BBS4: variants seen among roughly 807,000 people sequenced by gnomAD.
BBS4 encodes the protein Bardet-Biedl syndrome 4.
A neutral mutation model predicts 71.4 loss-of-function variants in BBS4; 58 were observed. That is an observed-to-expected ratio of 0.81 (90% CI 0.66 to 1.01). BBS4 has a LOEUF of 1.01. Among genes scored for constraint, BBS4 ranks in the 50% least tolerant of loss-of-function variants. The pLI is 0.00. For missense variants in BBS4, 660 were observed against 607.9 expected (o/e 1.09, Z -0.90); for synonymous variants, 228 against 216.8 (o/e 1.05, Z -0.46).
rs2151034404 is a variant in BBS4, at chr15:72,724,630, A to G, written c.562A>G (p.Ile188Val). Reference protein sequence around the residue: ...HLLEGDLDKAIEVYKKAVEFS... With the variant: ...HLLEGDLDKAVEVYKKAVEFS... ...GCTGGAGGGAGACTTGGACAAGGCCATTGAAGTCTACAAGAAAGCAGTGGA... is the reference window on the plus strand; with the variant it reads ...GCTGGAGGGAGACTTGGACAAGGCCGTTGAAGTCTACAAGAAAGCAGTGGA... The change falls in exon 8 of 16, where the codon ATT (isoleucine) becomes GTT (valine). Residue 188 changes from isoleucine (I) to valine (V), a missense_variant. By Grantham distance (29) the Ile-to-Val change is conservative. Coordinates refer to ENST00000268057, the MANE Select transcript of BBS4 (RefSeq NM_033028.5). 3.7e-6 allele frequency: 6 copies of G among 1,614,160 alleles called. No individual in the cohort carries two copies. The highest frequency in any genetic ancestry group is 5.1e-6 in the Non-Finnish European group (6 of 1,179,984).
At chr15:72,695,415 G>GT (rs2065059407) in intron 2 of BBS4, among the ~76,000 whole-genome samples, 187 bp downstream of exon 2, 1 of 151,982 alleles carries the variant, frequency 6.6e-6, no homozygotes, top group Admixed American at 6.6e-5. Context: ...AGCCTCCCGA[G>GT]TAGCTGGGAT....
chr15:72,702,098 G>A (rs538444690), intron 2 of BBS4, among the ~76,000 whole-genome samples: 5 of 151,532 alleles, frequency 3.3e-5, no homozygotes, highest in Non-Finnish European at 5.9e-5. Flanking sequence ...TGCCTGCCTC[G>A]GCCTCCCAAA....
intron 2 of BBS4, among the ~76,000 whole-genome samples, chr15:72,706,857 T>A: frequency 6.6e-6 from 1 of 152,222 alleles, no homozygotes; most frequent in East Asian, 1.9e-4. Flanking sequence ...AAATTAAATT[T>A]TTTGTTGAAA....
chr15:72,690,710 C>T (rs904439957), intron 1 of BBS4, among the ~76,000 whole-genome samples: 2 of 152,148 alleles, frequency 1.3e-5, no homozygotes, highest in Non-Finnish European at 2.9e-5. Flanking sequence ...TCCATCACTC[C>T]AGAAGGGTTC....
chr15:72,698,019 G>C (rs1161494186), intron 2 of BBS4: 1 of 455,920 alleles, frequency 2.2e-6, no homozygotes, highest in South Asian at 1.5e-5. Flanking sequence ...TTCAGTTGAA[G>C]ATCTTACCCA....
At chr15:72,694,264 C>T (rs1052368862) in intron 1 of BBS4, among the ~76,000 whole-genome samples, 1 of 150,662 alleles carries the variant, frequency 6.6e-6, no homozygotes, top group Non-Finnish European at 1.5e-5. Context: ...GATCTTGGCT[C>T]ATTGCAACCT....
chr15:72,729,186 T>TTTA (rs1555501306), intron 9 of BBS4, among the ~76,000 whole-genome samples: 6 of 61,646 alleles, frequency 9.7e-5, no homozygotes, highest in Admixed American at 2.2e-4. Context: ...TTTTTTTTTT[T>TTTA]AAAGTCAAGA....
chr15:72,723,924 T>A (rs2065620913), intron 7 of BBS4, among the ~76,000 whole-genome samples: 1 of 152,242 alleles, frequency 6.6e-6, no homozygotes, highest in South Asian at 2.1e-4. Context: ...GCTAACAGGC[T>A]AGGCAAATAC....
intron 5 of BBS4, 77 bp downstream of exon 5, chr15:72,715,479 G>GGAC: frequency 1.0e-6 from 1 of 990,824 alleles, no homozygotes. Context: ...CCAGCCTGCT[G>GGAC]CTGGCAGCTG....
chr15:72,731,425 ATG>A lies in BBS4; in HGVS notation c.836_837del (p.Cys279PhefsTer24). The A allele has an allele frequency of 6.2e-7, 1 of 1,614,166 alleles. No homozygotes were observed. The highest frequency in any genetic ancestry group is 8.5e-7 in the Non-Finnish European group (1 of 1,180,042). ...TCCTCCACTCTGGAATAACATTGGA[ATG>A]TGTTTCTTTGGCAAGAAGAAATATG... ...ESPPLWNNIG[M>X]CFFGKKKYVA... On this transcript the variant is annotated frameshift_variant, in exon 11 of 16. Coordinates refer to ENST00000268057, the MANE Select transcript of BBS4 (RefSeq NM_033028.5). LOFTEE classifies it high-confidence loss of function.
intron 5 of BBS4, among the ~76,000 whole-genome samples, chr15:72,715,840 A>T (rs532429228): frequency 3.7e-4 from 56 of 152,324 alleles, no homozygotes; most frequent in African/African-American, 1.3e-3. Context: ...ATGATGTAAA[A>T]TTGTTATGTA....
In BBS4 at chr15:72,729,002, G is replaced by A. The variant is rs182294953; in HGVS notation, c.643-614G>A. Among the ~76,000 whole-genome samples the A allele has an allele frequency of 1.5e-3, 231 of 152,220 alleles. 1 individual carries two copies. Among genetic ancestry groups the A allele is most frequent in the Admixed American group, 3.5e-3 (54 of 15,290 alleles). ...GATGAGGATACCCAGCTCATTTCCT[G>A]CAAAGAGGCATTAATGTGGAACAGT... On this transcript the variant is annotated intron_variant, in intron 9 of 15. Transcript: ENST00000268057.
chr15:72,705,827 C>T (rs751042298), intron 2 of BBS4, among the ~76,000 whole-genome samples: 3 of 151,808 alleles, frequency 2.0e-5, no homozygotes, highest in Non-Finnish European at 2.9e-5. Flanking sequence ...TCAAGTGATC[C>T]GTCCACCTGG....
chr15:72,697,651 C>T (rs1017081556), intron 2 of BBS4, among the ~76,000 whole-genome samples: 1 of 152,168 alleles, frequency 6.6e-6, no homozygotes, highest in South Asian at 2.1e-4. Context: ...AGAATTCACA[C>T]AGAAGTTGGA....
intron 2 of BBS4, among the ~76,000 whole-genome samples, chr15:72,699,164 G>A (rs913082923): frequency 1.3e-5 from 2 of 149,884 alleles, no homozygotes; most frequent in African/African-American, 4.9e-5. Flanking sequence ...TTTTTCCACT[G>A]CAACCTCTGC....
chr15:72,717,136 T>C (rs2065480709), intron 6 of BBS4: 1 of 415,168 alleles, frequency 2.4e-6, no homozygotes, highest in Non-Finnish European at 4.4e-6. Context: ...GTCATTGGAA[T>C]TCCACAGTAT....
At position 72,695,230 on chromosome 15, in the gene BBS4, T is replaced by C. The variant is rs766665064; in HGVS notation, c.76+2T>C. Reference sequence around the variant, plus strand: ...CTCAAAAACCCCGGCAGAAAAAAGGTCTGTATGCAGTTTCATGGTATGTGT... The same window carrying C: ...CTCAAAAACCCCGGCAGAAAAAAGGCCTGTATGCAGTTTCATGGTATGTGT... On this transcript the variant is annotated splice_donor_variant, in intron 2 of 15. Transcript: ENST00000268057. LOFTEE classifies it high-confidence loss of function. 1.9e-6 allele frequency: 3 copies of C among 1,584,604 alleles called. No individual in the cohort carries two copies. The Admixed American group carries it at 5.0e-5, about 26-fold the overall frequency.
At chr15:72,734,466 G>T (rs553595055) in intron 12 of BBS4, among the ~76,000 whole-genome samples, 1 of 152,282 alleles carries the variant, frequency 6.6e-6, no homozygotes, top group African/African-American at 2.4e-5. Flanking sequence ...AGATGAATCA[G>T]GAAAGATATT....
At chr15:72,732,429 G>A (rs1446563417) in intron 12 of BBS4, among the ~76,000 whole-genome samples, 1 of 152,128 alleles carries the variant, frequency 6.6e-6, no homozygotes, top group Non-Finnish European at 1.5e-5. Context: ...CCATTTTAAA[G>A]TACTGACTAG....
Sources: gnomAD v4.1 joint callset for allele counts (sites outside exome capture counted in the v4.1 genomes callset) on GRCh38, gnomAD v4.1.1 for gene constraint, MANE v1.5 for transcripts, NCBI Gene and HGNC (gene_info 2026-07-23, HGNC 2026-07-21) for gene names.